POMP: variants seen among roughly 807,000 people sequenced by gnomAD.
The protein encoded by POMP is proteasome maturation protein.
In POMP, 12 loss-of-function variants were observed where a neutral mutation model predicts 20.6. The observed-to-expected ratio is 0.58, with a 90% CI of 0.37 to 0.94. POMP has a LOEUF of 0.94. POMP is among the 40% of genes least tolerant of loss of function. POMP has a pLI of 0.01. For missense variants in POMP, 136 were observed against 161.1 expected, an observed-to-expected ratio of 0.84 and a Z score of 0.84; for synonymous variants, 53 against 55.0, an observed-to-expected ratio of 0.96 and a Z score of 0.16.
intron 4 of POMP, 30 bp from the exon 5 acceptor site, chr13:28,672,309 A>C (rs530829412): frequency 1.3e-6 from 2 of 1,489,114 alleles, no homozygotes; most frequent in Non-Finnish European, 1.9e-6. Flanking sequence ...AGTTTTTTCT[A>C]ATCTTGTCCC....
At chr13:28,664,642 A>C in intron 3 of POMP, 73 bp downstream of exon 3, 1 of 968,178 alleles carries the variant, frequency 1.0e-6, no homozygotes. Context: ...GTTTCATTTT[A>C]TTAAAACAAT....
intron 4 of POMP, 37 bp from the exon 5 acceptor site, chr13:28,672,302 T>G (rs1257072986): frequency 6.8e-7 from 1 of 1,466,748 alleles, no homozygotes; most frequent in African/African-American, 1.4e-5. Context: ...TCCCCTGAGT[T>G]TTTTCTAATC....
chr13:28,675,385 C>T (rs1347422647), intron 5 of POMP, among the ~76,000 whole-genome samples: 1 of 152,108 alleles, frequency 6.6e-6, no homozygotes, highest in Admixed American at 6.5e-5. Flanking sequence ...GTAGTCTGCC[C>T]GCCTCAGCCT....
chr13:28,662,659 T>C (rs746299544), intron 2 of POMP, 152 bp downstream of exon 2: 1 of 683,074 alleles, frequency 1.5e-6, no homozygotes, highest in African/African-American at 1.8e-5. Context: ...GAGGCTTAGA[T>C]ATTTTCTGTA....
At chr13:28,668,400 A>G in intron 3 of POMP, 73 bp from the exon 4 acceptor site, 5 of 1,011,478 alleles carry the variant, frequency 4.9e-6, no homozygotes, top group South Asian at 1.3e-5. Context: ...ATTGTGTTAT[A>G]TATATGCCAC....
At chr13:28,673,492 T>C (rs1884585118) in intron 5 of POMP, among the ~76,000 whole-genome samples, 1 of 152,242 alleles carries the variant, frequency 6.6e-6, no homozygotes, top group Admixed American at 6.5e-5. Context: ...TCCTGTCCAA[T>C]GCTGCCTCTG....
At chr13:28,676,463 A>G (rs898809704) in intron 5 of POMP, among the ~76,000 whole-genome samples, 4 of 152,208 alleles carry the variant, frequency 2.6e-5, no homozygotes, top group Admixed American at 2.0e-4. Context: ...TCCAACTTAA[A>G]TATACGTGTC....
At chr13:28,674,426 ATGAGGC>A (rs1279996602) in intron 5 of POMP, among the ~76,000 whole-genome samples, 2 of 152,222 alleles carry the variant, frequency 1.3e-5, no homozygotes, top group Admixed American at 6.5e-5. Flanking sequence ...GCTTTGTCTT[ATGAGGC>A]TGAAACGGCT....
At chr13:28,666,718 C>G (rs2137793774) in intron 3 of POMP, among the ~76,000 whole-genome samples, 1 of 152,316 alleles carries the variant, frequency 6.6e-6, no homozygotes, top group East Asian at 1.9e-4. Flanking sequence ...ATAGCCCATC[C>G]TTGGCATATT....
Position 28,659,179 on chromosome 13 carries a change from C to A in POMP, c.-6C>A. The A allele has an allele frequency of 6.3e-7, 1 of 1,588,408 alleles. No individual in the cohort carries two copies. Among genetic ancestry groups the A allele is most frequent in the Non-Finnish European group, 8.6e-7 (1 of 1,168,498 alleles). ...GGCAGAGAGGCTGTTCGCAGAGCTG[C>A]GGAAGATGGTGAGTGGGTACCCGGG... On this transcript the variant is annotated 5_prime_UTR_variant, in exon 1 of 6. Coordinates refer to ENST00000380842, the MANE Select transcript of POMP (RefSeq NM_015932.6).
intron 1 of POMP, among the ~76,000 whole-genome samples, 179 bp downstream of exon 1, chr13:28,659,366 G>T (rs1884292606): frequency 6.6e-6 from 1 of 152,206 alleles, no homozygotes; most frequent in Admixed American, 6.5e-5. Context: ...CGTGACTGTC[G>T]CCGGGGCCCG....
In POMP at chr13:28,677,170, C is replaced by T. The variant is rs548128541; in HGVS notation, c.359-865C>T. 4.6e-5 allele frequency among the ~76,000 whole-genome samples: 7 copies of T among 151,328 alleles called. No individual in the cohort carries two copies. The South Asian group carries it at 8.4e-4, about 18-fold the overall frequency. ...TAGTCTGTCCTTCCAGACTGTTCTG[C>T]GTGTCTTTCTATGTAGTCAAAAATA... On this transcript the variant is annotated intron_variant, in intron 5 of 5. Coordinates refer to ENST00000380842, the MANE Select transcript of POMP (RefSeq NM_015932.6).
At chr13:28,672,492 A>G in intron 5 of POMP, 60 bp downstream of exon 5, 7 of 1,310,440 alleles carry the variant, frequency 5.3e-6, no homozygotes, top group Non-Finnish European at 7.7e-6. Flanking sequence ...AAACAGCTGC[A>G]AAAAGAATAG....
chr13:28,659,278 TGGCGGCGGC>T (rs1005299683), intron 1 of POMP, 91 bp downstream of exon 1: 2 of 1,530,396 alleles, frequency 1.3e-6, no homozygotes, highest in African/African-American at 2.8e-5. Context: ...CCGTCCCCGG[TGGCGGCGGC>T]GGCGGCAGCG....
chr13:28,662,902 C>T (rs1031098850), intron 2 of POMP, among the ~76,000 whole-genome samples: 1 of 152,112 alleles, frequency 6.6e-6, no homozygotes, highest in Non-Finnish European at 1.5e-5. Flanking sequence ...GGGTTTGGAT[C>T]GTGGCTCTGC....
chr13:28,675,820 G>T (rs1429246916), intron 5 of POMP, among the ~76,000 whole-genome samples: 5 of 152,150 alleles, frequency 3.3e-5, no homozygotes, highest in Non-Finnish European at 7.4e-5. Context: ...AGAAGACAAA[G>T]GGGGGCCAGT....
intron 1 of POMP, among the ~76,000 whole-genome samples, chr13:28,661,899 T>C (rs772769607): frequency 1.3e-5 from 2 of 152,214 alleles, no homozygotes; most frequent in Non-Finnish European, 2.9e-5. Flanking sequence ...TGTCTTCAAC[T>C]TTTTTATTCT....
In POMP at chr13:28,669,626, C is replaced by T. The variant is rs1309849165; in HGVS notation, c.264+1052C>T. Among the ~76,000 whole-genome samples, 3 of 151,864 alleles carry T rather than the reference C, an allele frequency of 2.0e-5. No homozygotes were observed. In the East Asian group the frequency reaches 5.8e-4, roughly 29 times the overall value. On this transcript the variant is annotated intron_variant, in intron 4 of 5. Transcript: ENST00000380842. ...AACTCCTGGCCTCAAGCTATCATCC[C>T]ACCTCCTTGGCTTTTAGAACACCAC...
chr13:28,660,218 A>G (rs945920586), intron 1 of POMP, among the ~76,000 whole-genome samples: 1 of 152,194 alleles, frequency 6.6e-6, no homozygotes, highest in East Asian at 1.9e-4. Flanking sequence ...ACAATCACAC[A>G]TCTCTGCTGA....
Sources: allele counts gnomAD v4.1 joint callset (sites outside exome capture counted in the v4.1 genomes callset), GRCh38; gene constraint gnomAD v4.1.1; transcripts MANE v1.5; gene names NCBI Gene and HGNC (gene_info 2026-07-23, HGNC 2026-07-21).